ADAMTS14: variants seen among roughly 807,000 people sequenced by gnomAD.
ADAMTS14 encodes ADAM metallopeptidase with thrombospondin type 1 motif 14.
A neutral mutation model predicts 128.6 loss-of-function variants in ADAMTS14; 100 were observed. The ratio of observed to expected loss-of-function variants is 0.78; its 90% CI spans 0.66 to 0.92. ADAMTS14 has a LOEUF of 0.92. Ranked by LOEUF, ADAMTS14 falls within the 40% of genes least tolerant of loss-of-function variation. The pLI is 0.00. For missense variants in ADAMTS14, 1,562 were observed against 1,658.6 expected, an observed-to-expected ratio of 0.94 and a Z score of 1.01; for synonymous variants, 665 against 653.8, an observed-to-expected ratio of 1.02 and a Z score of -0.26.
At position 70,751,414 on chromosome 10, in the gene ADAMTS14, C is replaced by T. The variant is rs1564558486; in HGVS notation, c.2428-64C>T. The T allele has an allele frequency of 3.3e-6, 5 of 1,520,470 alleles. No homozygotes were observed. The East Asian group carries it at 1.1e-4, about 35-fold the overall frequency. The allele number at this position is 1,520,470 out of a possible 1,614,324, so 94.2% of individuals were successfully genotyped here. ...TAAGGCCTTCTCTTCGGCCCCTCCC[C>T]TCCCAGTGCATGCCGCCCTTGCTTC... On this transcript the variant is annotated intron_variant, in intron 16 of 21. Transcript: ENST00000373207.
At chr10:70,738,755 A>G in intron 10 of ADAMTS14, 87 bp from the exon 11 acceptor site, 22 of 1,582,814 alleles carry the variant, frequency 1.4e-5, no homozygotes, top group Non-Finnish European at 1.8e-5. Context: ...ACCCAGGCTC[A>G]TGCTCTTGCT....
chr10:70,718,686 T>A lies in ADAMTS14; in HGVS notation c.870+9908T>A, dbSNP rs76982260. Reference sequence around the variant, plus strand: ...CAGGTGTGAGCCAGGGTGCCCAGCCTTTTTTTTTTTTTAAAGACAGTGTCT... The same window carrying A: ...CAGGTGTGAGCCAGGGTGCCCAGCCATTTTTTTTTTTTAAAGACAGTGTCT... On this transcript the variant is annotated intron_variant, in intron 4 of 21. Transcript: ENST00000373207. Among the ~76,000 whole-genome samples the A allele has an allele frequency of 2.8e-4, 28 of 99,226 alleles. No homozygotes were observed. The East Asian group carries it at 3.1e-3, about 11-fold the overall frequency. The allele number at this position is 99,226 out of a possible 152,430, so 65.1% of individuals were successfully genotyped here.
At chr10:70,704,389 AAC>A (rs1453055357) in intron 3 of ADAMTS14, among the ~76,000 whole-genome samples, 3 of 150,696 alleles carry the variant, frequency 2.0e-5, no homozygotes, top group African/African-American at 7.3e-5. Context: ...CACACTCACA[AAC>A]ACAGACCCAT....
chr10:70,730,991 A>C (rs1236366785), intron 6 of ADAMTS14, among the ~76,000 whole-genome samples: 2 of 152,008 alleles, frequency 1.3e-5, no homozygotes, highest in African/African-American at 4.8e-5. Context: ...AATGCTGGAA[A>C]TCAGTTGGTC....
At chr10:70,690,688 T>G (rs1840158580) in intron 2 of ADAMTS14, among the ~76,000 whole-genome samples, 2 of 145,016 alleles carry the variant, frequency 1.4e-5, no homozygotes, top group Admixed American at 6.8e-5. Context: ...CAGTGACCTG[T>G]GGGGCCCTCT....
chr10:70,741,262 G>C (rs1303268184), intron 12 of ADAMTS14, 100 bp downstream of exon 12: 1 of 1,405,500 alleles, frequency 7.1e-7, no homozygotes, highest in African/African-American at 1.4e-5. Context: ...CACCAGTGAA[G>C]GTGGAGGGAC....
At position 70,749,884 on chromosome 10, in the gene ADAMTS14, C is replaced by T. The variant is rs144054532; in HGVS notation, c.2326C>T (p.Arg776Trp). The change falls in exon 16 of 22, where the codon CGG becomes TGG. Residue 776 changes from arginine to tryptophan, a missense_variant. Coordinates refer to ENST00000373207, the MANE Select transcript of ADAMTS14 (RefSeq NM_080722.4). ...CCCCAAGGGCAAGGAAGCCACAAGC[C>T]GGACCTTCACCGCCATGGGCCTGGA... is the stretch of plus-strand genomic sequence containing the variant. Reference protein sequence around the residue: ...LNPKGKEATSRTFTAMGLEWE... With the variant: ...LNPKGKEATSWTFTAMGLEWE... 124 of 1,614,130 alleles carry T rather than the reference C, an allele frequency of 7.7e-5. No homozygotes were observed. The highest frequency in any genetic ancestry group is 1.8e-4 in the South Asian group (16 of 91,074).
At position 70,691,442 on chromosome 10, in the gene ADAMTS14, G is replaced by C. The variant is rs1261887229; in HGVS notation, c.523-10870G>C. ...GGAGGCAGAGGTTGCAGTGAGCAGA[G>C]ATCGTGCCACTGCACTCCAGCCTGG... On this transcript the variant is annotated intron_variant, in intron 2 of 21. Transcript: ENST00000373207. Among the ~76,000 whole-genome samples, 4 of 129,574 alleles carry C rather than the reference G, an allele frequency of 3.1e-5. 1 individual carries two copies. Among genetic ancestry groups the C allele is most frequent in the Non-Finnish European group, 3.3e-5 (2 of 59,784 alleles). The allele number at this position is 129,574 out of a possible 152,430, so 85.0% of individuals were successfully genotyped here.
In ADAMTS14 at chr10:70,753,932, G is replaced by C; in HGVS notation, c.2862G>C (p.Gly954=). ...TCATGCCGGCCAAAGCCTGCGCCGG[G>C]GACCGGCCTGAGGCCCGACGGCCCT... ...HKVMPAKACA[G]DRPEARRPCL... The change falls in exon 19 of 22, where the codon GGG becomes GGC. Residue 954 remains glycine (G), a synonymous_variant. Transcript: ENST00000373207. The C allele has an allele frequency of 6.3e-7, 1 of 1,588,286 alleles. No individual in the cohort carries two copies. Among genetic ancestry groups the C allele is most frequent in the Non-Finnish European group, 8.6e-7 (1 of 1,168,206 alleles).
chr10:70,749,844 C>T lies in ADAMTS14; in HGVS notation c.2286C>T (p.Gly762=). The T allele has an allele frequency of 3.1e-6, 5 of 1,613,982 alleles. No individual in the cohort carries two copies. Among genetic ancestry groups the T allele is most frequent in the Non-Finnish European group, 4.2e-6 (5 of 1,179,998 alleles). The change falls in exon 16 of 22, where the codon GGC becomes GGT. Residue 762 remains glycine, a synonymous_variant. Coordinates refer to ENST00000373207, the MANE Select transcript of ADAMTS14 (RefSeq NM_080722.4). The part of the protein sequence containing the change: ...HRIVVKNQVT[G]SFILNPKGKE... ...CAGTGGTGAAGAACCAGGTCACCGG[C>T]AGCTTCATCCTCAACCCCAAGGGCA... is the stretch of plus-strand genomic sequence containing the variant.
intron 6 of ADAMTS14, among the ~76,000 whole-genome samples, chr10:70,731,244 G>A (rs1038884914): frequency 1.3e-5 from 2 of 150,584 alleles, no homozygotes; most frequent in Admixed American, 1.3e-4. Context: ...GAGACACAAA[G>A]ACACATGTAC....
chr10:70,685,369 A>G (rs1489225227), intron 2 of ADAMTS14, among the ~76,000 whole-genome samples: 5 of 152,218 alleles, frequency 3.3e-5, no homozygotes, highest in African/African-American at 1.2e-4. Context: ...CATCCTTAGC[A>G]GCACCAAGGA....
At position 70,751,721 on chromosome 10, in the gene ADAMTS14, ATGT is replaced by A. The variant is rs1263125097; in HGVS notation, c.2596+79_2596+81del. On this transcript the variant is annotated intron_variant, in intron 17 of 21. Transcript: ENST00000373207. ...CTTGAGAGGCAGGGGTGGGGGACTG[ATGT>A]TGTCTCCATTTGATGTGTCCTTGCT... The A allele has an allele frequency of 4.6e-6, 7 of 1,534,304 alleles. No individual in the cohort carries two copies. In the East Asian group the frequency reaches 6.9e-5, roughly 15 times the overall value.
At chr10:70,747,983 A>G (rs1476901282) in intron 15 of ADAMTS14, among the ~76,000 whole-genome samples, 1 of 152,072 alleles carries the variant, frequency 6.6e-6, no homozygotes, top group Non-Finnish European at 1.5e-5. Context: ...GGCTCTGTCC[A>G]TTGTCATTAG....
chr10:70,745,482 T>G, intron 15 of ADAMTS14, 176 bp downstream of exon 15: 50 of 694,798 alleles, frequency 7.2e-5, no homozygotes, highest in Middle Eastern at 2.8e-4. Context: ...GGGTAACCCA[T>G]TCCATGGTTT....
At chr10:70,742,243 C>T (rs1388197252) in intron 12 of ADAMTS14, among the ~76,000 whole-genome samples, 2 of 152,216 alleles carry the variant, frequency 1.3e-5, no homozygotes, top group Non-Finnish European at 2.9e-5. Flanking sequence ...AGAGAGCTGC[C>T]TGCCTGGGTC....
Position 70,738,825 on chromosome 10 carries a change from C to T in ADAMTS14, c.1600-17C>T. 1 of 1,613,752 alleles carries T rather than the reference C, an allele frequency of 6.2e-7. No individual in the cohort carries two copies. Among genetic ancestry groups the T allele is most frequent in the Non-Finnish European group, 8.5e-7 (1 of 1,180,002 alleles). On this transcript the variant is annotated splice_polypyrimidine_tract_variant and intron_variant, in intron 10 of 21. Coordinates refer to ENST00000373207, the MANE Select transcript of ADAMTS14 (RefSeq NM_080722.4). Reference sequence around the variant, plus strand: ...GCAGCAGCCCAGGGTGACCTCATGCCCTCTGCTCTGCCCCAGTGGTGCTTC... The same window carrying T: ...GCAGCAGCCCAGGGTGACCTCATGCTCTCTGCTCTGCCCCAGTGGTGCTTC...
At chr10:70,683,926 T>G (rs1400859076) in intron 2 of ADAMTS14, among the ~76,000 whole-genome samples, 1 of 152,172 alleles carries the variant, frequency 6.6e-6, no homozygotes, top group Non-Finnish European at 1.5e-5. Flanking sequence ...AGGCCTAGCC[T>G]TGGGAGTTGC....
At chr10:70,718,685 C>CAT (rs200746128) in intron 4 of ADAMTS14, among the ~76,000 whole-genome samples, 25 of 140,824 alleles carry the variant, frequency 1.8e-4, no homozygotes, top group East Asian at 1.5e-3. Flanking sequence ...GGTGCCCAGC[C>CAT]TTTTTTTTTT....
Sources: allele counts gnomAD v4.1 joint callset (sites outside exome capture counted in the v4.1 genomes callset), GRCh38; gene constraint gnomAD v4.1.1; transcripts MANE v1.5; gene names NCBI Gene and HGNC (gene_info 2026-07-23, HGNC 2026-07-21).